Variants in SYT9 observed in about 807,000 individuals in gnomAD.
SYT9 encodes synaptotagmin 9, also known as synaptotagmin-9.
In SYT9, 22 loss-of-function variants were observed where a neutral mutation model predicts 48.4. The observed-to-expected ratio is 0.45, with a 90% CI of 0.32 to 0.65. The LOEUF is 0.65. Ranked by LOEUF, SYT9 falls within the 30% of genes least tolerant of loss-of-function variation. The probability of loss-of-function intolerance (pLI) is 0.03; values close to 1 mark genes in which losing one functional copy is unlikely to be tolerated. For synonymous variants in SYT9, 265 were observed against 245.0 expected, an observed-to-expected ratio of 1.08 and a Z score of -0.76; for missense variants, 577 against 622.0, an observed-to-expected ratio of 0.93 and a Z score of 0.77.
At chr11:7,430,176 T>G (rs1208781400) in intron 6 of SYT9, among the ~76,000 whole-genome samples, 1 of 152,368 alleles carries the variant, frequency 6.6e-6, no homozygotes, top group Non-Finnish European at 1.5e-5. Flanking sequence ...AAAACTCAAA[T>G]GTATATTTAA....
intron 1 of SYT9, among the ~76,000 whole-genome samples, chr11:7,282,255 A>G (rs867315390): frequency 6.6e-6 from 1 of 152,350 alleles, no homozygotes; most frequent in Middle Eastern, 3.4e-3. Flanking sequence ...TTCATATTAT[A>G]AAGAACATAA....
intron 1 of SYT9, among the ~76,000 whole-genome samples, chr11:7,270,892 A>G (rs777508275): frequency 1.2e-4 from 18 of 151,284 alleles, no homozygotes; most frequent in Non-Finnish European, 2.1e-4. Flanking sequence ...AGAGAGTGTC[A>G]TCAGGTGTGG....
intron 1 of SYT9, among the ~76,000 whole-genome samples, chr11:7,300,614 C>T (rs1848901300): frequency 6.6e-6 from 1 of 152,190 alleles, no homozygotes; most frequent in Non-Finnish European, 1.5e-5. Context: ...CAGGACAGAG[C>T]TGAAGTGATT....
intron 1 of SYT9, among the ~76,000 whole-genome samples, chr11:7,296,994 A>C (rs988150129): frequency 6.6e-6 from 1 of 151,918 alleles, no homozygotes; most frequent in African/African-American, 2.4e-5. Context: ...TATATTTATT[A>C]GCCCTCCCCC....
chr11:7,460,362 A>G (rs1241943210), intron 6 of SYT9, among the ~76,000 whole-genome samples: 2 of 152,210 alleles, frequency 1.3e-5, no homozygotes, highest in Non-Finnish European at 2.9e-5. Flanking sequence ...ATATAAATCT[A>G]GTGAGTAAAA....
intron 2 of SYT9, among the ~76,000 whole-genome samples, chr11:7,309,214 T>C (rs578071807): frequency 6.6e-6 from 1 of 152,128 alleles, no homozygotes; most frequent in Non-Finnish European, 1.5e-5. Flanking sequence ...AGAGAGAGAA[T>C]GGGAGGTGGA....
At chr11:7,376,839 T>A (rs1281018298) in intron 3 of SYT9, among the ~76,000 whole-genome samples, 1 of 151,908 alleles carries the variant, frequency 6.6e-6, no homozygotes, top group East Asian at 1.9e-4. Context: ...ATGGAAAGTA[T>A]CTTCCAGACT....
At chr11:7,404,549 A>G (rs1846964634) in intron 3 of SYT9, among the ~76,000 whole-genome samples, 1 of 152,190 alleles carries the variant, frequency 6.6e-6, no homozygotes, top group African/African-American at 2.4e-5. Context: ...ATATTATGCC[A>G]TTTATACTAT....
chr11:7,393,297 T>G (rs1426486362), intron 3 of SYT9, among the ~76,000 whole-genome samples: 1 of 148,092 alleles, frequency 6.8e-6, no homozygotes, highest in Non-Finnish European at 1.5e-5. Context: ...TGTTGAGGTT[T>G]TTTTTTTTTT....
At position 7,316,936 on chromosome 11, in the gene SYT9, C is replaced by T. The variant is rs370218596; in HGVS notation, c.1044+2995C>T. ...TTTCTTTCTTGTGAAAATTCTTGTT[C>T]AGCACTTATTCTTTTGTTTTCCTTT... is the stretch of plus-strand genomic sequence containing the variant. On this transcript the variant is annotated intron_variant, in intron 3 of 6. Transcript: ENST00000318881. 5.9e-5 allele frequency among the ~76,000 whole-genome samples: 9 copies of T among 152,298 alleles called. No individual in the cohort carries two copies. In the South Asian group the frequency reaches 1.9e-3, roughly 32 times the overall value.
intron 3 of SYT9, among the ~76,000 whole-genome samples, chr11:7,353,191 G>C (rs963852905): frequency 7.2e-5 from 11 of 152,128 alleles, no homozygotes; most frequent in African/African-American, 2.7e-4. Context: ...TCTGTCAGCA[G>C]AGGGCACAGG....
At chr11:7,354,072 A>C (rs1849970849) in intron 3 of SYT9, among the ~76,000 whole-genome samples, 1 of 152,224 alleles carries the variant, frequency 6.6e-6, no homozygotes, top group Non-Finnish European at 1.5e-5. Context: ...ATTTCAAATA[A>C]TGATTTGATT....
intron 3 of SYT9, among the ~76,000 whole-genome samples, chr11:7,361,603 G>T (rs1214880373): frequency 6.6e-6 from 1 of 152,036 alleles, no homozygotes; most frequent in Non-Finnish European, 1.5e-5. Context: ...GTCTGCTTGG[G>T]TTATCATTTA....
intron 3 of SYT9, among the ~76,000 whole-genome samples, chr11:7,341,895 G>A (rs1849719871): frequency 2.0e-5 from 3 of 152,132 alleles, no homozygotes; most frequent in Non-Finnish European, 2.9e-5. Context: ...ATAGTTCCAC[G>A]TGGTTGGCAA....
At chr11:7,376,345 T>TTTCCTTCCTTCCTTCC (rs370224542) in intron 3 of SYT9, among the ~76,000 whole-genome samples, 14,009 of 142,388 alleles carry the variant, frequency 0.098, 810 homozygotes, top group South Asian at 0.14. Flanking sequence ...TCCCTCTTTC[T>TTTCCTTCCTTCCTTCC]TTCCTTCCTT....
intron 3 of SYT9, among the ~76,000 whole-genome samples, chr11:7,334,942 T>TCATGTGCTTTGTATGGA (rs1849609209): frequency 6.6e-6 from 1 of 152,230 alleles, no homozygotes; most frequent in Non-Finnish European, 1.5e-5. Context: ...CCATGAACAT[T>TCATGTGCTTTGTATGGA]CATGTGCTTT....
chr11:7,407,360 A>ATTTTTTTTT lies in SYT9; in HGVS notation c.1045-8659_1045-8651dup, dbSNP rs756378336. 4.5e-4 allele frequency among the ~76,000 whole-genome samples: 17 copies of ATTTTTTTTT among 37,758 alleles called. 3 individuals are homozygous for ATTTTTTTTT. The highest frequency in any genetic ancestry group is 6.3e-4 in the East Asian group (1 of 1,586). 24.8% of individuals were successfully genotyped at this position (37,758 alleles called of 152,430 possible). A position where few individuals can be genotyped will look rare whatever the true frequency, so the allele number is the denominator to read the frequency against. ...CTCAGGTCTTATGTTTAAGTCTATA[A>ATTTTTTTTT]TTTTTTTTTTTTTTTTTTTTTTTTT... On this transcript the variant is annotated intron_variant, in intron 3 of 6. Coordinates refer to ENST00000318881, the MANE Select transcript of SYT9 (RefSeq NM_175733.4).
intron 6 of SYT9, among the ~76,000 whole-genome samples, chr11:7,448,058 C>T (rs917170361): frequency 3.3e-5 from 5 of 152,222 alleles, no homozygotes; most frequent in African/African-American, 1.2e-4. Flanking sequence ...CATGTTTTGC[C>T]TAACAGCATG....
At position 7,447,396 on chromosome 11, in the gene SYT9, C is replaced by T. The variant is rs191432067; in HGVS notation, c.1468-19396C>T. Among the ~76,000 whole-genome samples the T allele has an allele frequency of 6.5e-3, 985 of 152,272 alleles. 4 individuals carry two copies. The highest frequency in any genetic ancestry group is 0.01 in the Non-Finnish European group (693 of 68,026). On this transcript the variant is annotated intron_variant, in intron 6 of 6. Transcript: ENST00000318881. ...CACTGCTTTTGAACATTTTATGCCC[C>T]GGCCCCAGCACACAGGCCACTTCTA...
Sources: gnomAD v4.1 joint callset for allele counts (sites outside exome capture counted in the v4.1 genomes callset) on GRCh38, gnomAD v4.1.1 for gene constraint, MANE v1.5 for transcripts, NCBI Gene and HGNC (gene_info 2026-07-23, HGNC 2026-07-21) for gene names.